TEX36: variants seen among roughly 807,000 people sequenced by gnomAD.
The protein encoded by TEX36 is testis-expressed protein 36.
TEX36 carries 12 observed loss-of-function variants against 13.6 expected under a neutral mutation model. That is an observed-to-expected ratio of 0.88 (90% CI 0.56 to 1.43). The LOEUF (loss-of-function observed/expected upper bound fraction) is 1.43. TEX36 is among the 40% of genes most tolerant of loss of function. The pLI, the probability that TEX36 is intolerant of heterozygous loss-of-function variation, is 0.00. For missense variants in TEX36, 224 were observed against 228.3 expected, an observed-to-expected ratio of 0.98 and a Z score of 0.12; for synonymous variants, 93 against 83.0, an observed-to-expected ratio of 1.12 and a Z score of -0.65.
intron 3 of TEX36, among the ~76,000 whole-genome samples, chr10:125,584,906 G>C (rs1049501763): frequency 4.6e-5 from 7 of 152,194 alleles, no homozygotes; most frequent in African/African-American, 1.7e-4. Flanking sequence ...TTGAACATCT[G>C]CTGTTTCATG....
rs566353614 is a variant in TEX36 at position 125,671,932 on chromosome 10, T to C, written c.52-9955A>G. ...TTTATTTGCATAAAGGTGTTCATAA[T>C]ATTCTCTGATGTTTGGTTATATTTC... On this transcript the variant is annotated intron_variant, in intron 1 of 3. Coordinates refer to ENST00000368821, the MANE Select transcript of TEX36 (RefSeq NM_001128202.3). Among the ~76,000 whole-genome samples the C allele has an allele frequency of 2.0e-5, 3 of 152,358 alleles. No homozygotes were observed. In the East Asian group the frequency reaches 5.8e-4, roughly 29 times the overall value.
At chr10:125,679,888 C>T (rs1294968786) in intron 1 of TEX36, among the ~76,000 whole-genome samples, 1 of 152,174 alleles carries the variant, frequency 6.6e-6, no homozygotes, top group African/African-American at 2.4e-5. Context: ...TTCTTCTCTG[C>T]TTCCTGTCGC....
downstream of TEX36, chr10:125,655,644 T>A (rs1236685845): frequency 8.6e-7 from 1 of 1,165,256 alleles, no homozygotes; most frequent in African/African-American, 1.6e-5. Context: ...AATTTCAAAA[T>A]GAAAATGTGA....
chr10:125,632,181 A>G (rs943473512), intron 3 of TEX36, among the ~76,000 whole-genome samples: 5 of 152,112 alleles, frequency 3.3e-5, no homozygotes, highest in African/African-American at 1.2e-4. Context: ...GTCTTCAAGC[A>G]GACAGAATGT....
chr10:125,641,483 A>T (rs1197031829), intron 3 of TEX36, among the ~76,000 whole-genome samples: 1 of 152,252 alleles, frequency 6.6e-6, no homozygotes, highest in Non-Finnish European at 1.5e-5. Flanking sequence ...ATGCACAAAA[A>T]GTGACTGAAG....
At chr10:125,637,301 C>T (rs887948733) in intron 3 of TEX36, among the ~76,000 whole-genome samples, 6 of 150,476 alleles carry the variant, frequency 4.0e-5, no homozygotes, top group Admixed American at 1.3e-4. Flanking sequence ...AGGGTGAGAC[C>T]CTGTCTCAAA....
chr10:125,669,914 G>A (rs183947646), intron 1 of TEX36, among the ~76,000 whole-genome samples: 2 of 152,306 alleles, frequency 1.3e-5, no homozygotes, highest in Admixed American at 6.5e-5. Context: ...CCAGATTCCT[G>A]CAAAGGACAT....
intron 3 of TEX36, among the ~76,000 whole-genome samples, chr10:125,577,275 T>C (rs1470655441): frequency 6.6e-6 from 1 of 152,136 alleles, no homozygotes; most frequent in Non-Finnish European, 1.5e-5. Context: ...GGCAGGAGGA[T>C]TGCTTGAGCC....
intron 3 of TEX36, among the ~76,000 whole-genome samples, chr10:125,641,327 G>A (rs1474826695): frequency 6.6e-6 from 1 of 152,228 alleles, no homozygotes; most frequent in African/African-American, 2.4e-5. Context: ...GAGAATGTAC[G>A]TCTCTAAAAA....
chr10:125,628,916 A>G (rs779064654), intron 3 of TEX36, among the ~76,000 whole-genome samples: 1 of 152,174 alleles, frequency 6.6e-6, no homozygotes, highest in Non-Finnish European at 1.5e-5. Context: ...ATGGAGTTTC[A>G]TGCTTTATAT....
chr10:125,664,541 G>A (rs1230210437), intron 1 of TEX36, among the ~76,000 whole-genome samples: 5 of 152,044 alleles, frequency 3.3e-5, no homozygotes, highest in African/African-American at 7.2e-5. Context: ...TCATGGGGGC[G>A]GATTTCCCCC....
chr10:125,601,286 A>G (rs1846142154), intron 3 of TEX36, among the ~76,000 whole-genome samples: 1 of 152,274 alleles, frequency 6.6e-6, no homozygotes, highest in African/African-American at 2.4e-5. Context: ...TAAAGAAACT[A>G]TAATAATTAC....
At chr10:125,607,367 T>C (rs1406525492) in intron 3 of TEX36, among the ~76,000 whole-genome samples, 4 of 152,244 alleles carry the variant, frequency 2.6e-5, no homozygotes, top group Non-Finnish European at 5.9e-5. Context: ...TTTGTCATTT[T>C]AAAGTCAGGG....
chr10:125,670,495 A>T (rs1025971652), intron 1 of TEX36, among the ~76,000 whole-genome samples: 6 of 151,976 alleles, frequency 3.9e-5, no homozygotes, highest in African/African-American at 1.4e-4. Context: ...TTAGACCTTT[A>T]TGAGATGGAT....
At chr10:125,648,330 C>T (rs1846803551) in intron 3 of TEX36, among the ~76,000 whole-genome samples, 1 of 152,232 alleles carries the variant, frequency 6.6e-6, no homozygotes, top group Admixed American at 6.5e-5. Flanking sequence ...CAGGCAACAA[C>T]ATTTGCCGTT....
At chr10:125,611,015 G>T (rs1344388283) in intron 3 of TEX36, among the ~76,000 whole-genome samples, 1 of 152,100 alleles carries the variant, frequency 6.6e-6, no homozygotes. Flanking sequence ...TTTTTCAGTT[G>T]TGTAACCTGC....
intron 3 of TEX36, among the ~76,000 whole-genome samples, chr10:125,588,077 C>T (rs1044373259): frequency 1.1e-4 from 16 of 152,164 alleles, no homozygotes; most frequent in African/African-American, 2.2e-4. Context: ...TCAAAAACAG[C>T]GGTAACTTTG....
intron 3 of TEX36, among the ~76,000 whole-genome samples, chr10:125,596,233 AT>A (rs1846080819): frequency 6.6e-6 from 1 of 152,198 alleles, no homozygotes; most frequent in Non-Finnish European, 1.5e-5. Context: ...ATATGTTGAC[AT>A]CTGGATGTTA....
At chr10:125,675,975 A>G (rs1014956908) in intron 1 of TEX36, among the ~76,000 whole-genome samples, 3 of 152,224 alleles carry the variant, frequency 2.0e-5, no homozygotes, top group Non-Finnish European at 4.4e-5. Context: ...CTGTGGTCTG[A>G]GAAGATATGT....
Sources: allele counts gnomAD v4.1 joint callset (sites outside exome capture counted in the v4.1 genomes callset), GRCh38; gene constraint gnomAD v4.1.1; transcripts MANE v1.5; gene names NCBI Gene and HGNC (gene_info 2026-07-23, HGNC 2026-07-21).